The following SLC2A9 variants were observed in gnomAD, a reference collection of about 807,000 sequenced individuals.
The protein encoded by SLC2A9 is solute carrier family 2 member 9.
In SLC2A9, 39 loss-of-function variants were observed where a neutral mutation model predicts 50.6. The observed-to-expected ratio is 0.77, with a 90% CI of 0.60 to 1.01. The LOEUF (loss-of-function observed/expected upper bound fraction) is 1.01. Among genes scored for constraint, SLC2A9 ranks in the 50% least tolerant of loss-of-function variants. SLC2A9 has a pLI of 0.00. For missense variants in SLC2A9, 686 were observed against 677.6 expected (o/e 1.01, Z -0.14); for synonymous variants, 324 against 276.9 (o/e 1.17, Z -1.69).
intron 10 of SLC2A9, among the ~76,000 whole-genome samples, chr4:9,867,036 G>T (rs1732599329): frequency 6.6e-6 from 1 of 152,192 alleles, no homozygotes; most frequent in South Asian, 2.1e-4. Context: ...AGTCCTTCAA[G>T]AACTTTTTGT....
intron 10 of SLC2A9, among the ~76,000 whole-genome samples, chr4:9,839,870 A>C (rs1727753972): frequency 6.6e-6 from 1 of 152,110 alleles, no homozygotes; most frequent in African/African-American, 2.4e-5. Context: ...TTAATAACAA[A>C]TAGGTACTAG....
chr4:9,980,063 G>A (rs190338030), intron 5 of SLC2A9, among the ~76,000 whole-genome samples: 38 of 152,234 alleles, frequency 2.5e-4, no homozygotes, highest in East Asian at 5.8e-4. Context: ...AGGCCACACA[G>A]CAAGTAAATC....
chr4:9,839,958 A>G (rs1727778619), intron 10 of SLC2A9, among the ~76,000 whole-genome samples: 1 of 152,192 alleles, frequency 6.6e-6, no homozygotes, highest in African/African-American at 2.4e-5. Flanking sequence ...AAACCTGCAC[A>G]TGTACCCCGA....
In SLC2A9 at chr4:9,890,711, C is replaced by A. The variant is rs1283441090; in HGVS notation, c.1114G>T (p.Gly372Cys). 6.2e-7 allele frequency: 1 copy of A among 1,613,472 alleles called. No homozygotes were observed. Among genetic ancestry groups the A allele is most frequent in the Admixed American group, 1.7e-5 (1 of 59,990 alleles). The part of the protein sequence containing the change: ...GIETLAAVFS[G>C]LVIEHLGRRP... The stretch of plus-strand genomic sequence containing the variant: ...CGTCCCAGGTGCTCAATGACCAAAC[C>A]CTAGTCCAGGGTAAAAGAGAGAGAG... Residue 372 changes from glycine (G) to cysteine (C), a missense_variant and splice_region_variant, in exon 9 of 12, where the codon GGT (glycine) becomes TGT (cysteine). Transcript: ENST00000264784.
At chr4:9,972,520 C>A (rs974448790) in intron 5 of SLC2A9, among the ~76,000 whole-genome samples, 3 of 151,864 alleles carry the variant, frequency 2.0e-5, no homozygotes, top group Non-Finnish European at 4.4e-5. Flanking sequence ...ACTCTAAAAG[C>A]CACCTTCGTC....
chr4:9,937,118 T>C (rs1411550096), intron 6 of SLC2A9, among the ~76,000 whole-genome samples: 1 of 152,208 alleles, frequency 6.6e-6, no homozygotes, highest in African/African-American at 2.4e-5. Context: ...AGGCACAACA[T>C]AGAAAACATC....
At chr4:9,928,996 G>A (rs1163695621) in intron 6 of SLC2A9, among the ~76,000 whole-genome samples, 2 of 152,154 alleles carry the variant, frequency 1.3e-5, no homozygotes, top group South Asian at 2.1e-4. Context: ...CCTGATGGAC[G>A]GGATTACAGG....
At chr4:9,975,441 G>C (rs1243125964) in intron 5 of SLC2A9, among the ~76,000 whole-genome samples, 1 of 152,148 alleles carries the variant, frequency 6.6e-6, no homozygotes, top group Admixed American at 6.5e-5. Flanking sequence ...AATGGGAAAA[G>C]GACATGAACA....
intron 8 of SLC2A9, among the ~76,000 whole-genome samples, chr4:9,907,384 C>T (rs1381466244): frequency 6.6e-6 from 1 of 152,212 alleles, no homozygotes; most frequent in Non-Finnish European, 1.5e-5. Flanking sequence ...GAAATTTCTA[C>T]TAGGTTCTGA....
chr4:10,027,183 T>G (rs1360574096), intron 1 of SLC2A9, among the ~76,000 whole-genome samples: 2 of 152,206 alleles, frequency 1.3e-5, no homozygotes, highest in African/African-American at 2.4e-5. Flanking sequence ...GAAGGGGCAG[T>G]GGCTGCAGCA....
chr4:9,806,446 G>A (rs1412883747), intron 3 of SLC2A9, among the ~76,000 whole-genome samples: 2 of 152,210 alleles, frequency 1.3e-5, no homozygotes, highest in East Asian at 1.9e-4. Context: ...GCTTATCACT[G>A]GCTTGCTGTC....
At chr4:10,024,285 C>G (rs1389923973), upstream of SLC2A9, among the ~76,000 whole-genome samples, 1 of 152,178 alleles carries the variant, frequency 6.6e-6, no homozygotes, top group Non-Finnish European at 1.5e-5. Context: ...CTGATTGTGT[C>G]CCCTCAGATT....
chr4:9,827,092 C>A (rs1393876324), intron 11 of SLC2A9, among the ~76,000 whole-genome samples: 1 of 152,198 alleles, frequency 6.6e-6, no homozygotes, highest in East Asian at 1.9e-4. Context: ...CTAATTGATA[C>A]TCTGAGGCGG....
At chr4:9,911,412 C>T (rs930719958) in intron 7 of SLC2A9, among the ~76,000 whole-genome samples, 1 of 152,182 alleles carries the variant, frequency 6.6e-6, no homozygotes, top group African/African-American at 2.4e-5. Flanking sequence ...TCTGCTCACA[C>T]TGAAGCTTAT....
At chr4:9,817,586 G>A (rs1353574236) in intron 3 of SLC2A9, among the ~76,000 whole-genome samples, 2 of 152,192 alleles carry the variant, frequency 1.3e-5, no homozygotes, top group African/African-American at 4.8e-5. Context: ...TTGTATGAGT[G>A]TCCTCGTTAC....
chr4:9,960,114 A>G (rs1235459447), intron 5 of SLC2A9, among the ~76,000 whole-genome samples: 1 of 152,210 alleles, frequency 6.6e-6, no homozygotes, highest in East Asian at 1.9e-4. Context: ...ACAGGAGAGG[A>G]GCCTTATTGT....
At chr4:10,025,543 G>A (rs950245785), upstream of SLC2A9, among the ~76,000 whole-genome samples, 11 of 152,142 alleles carry the variant, frequency 7.2e-5, no homozygotes, top group African/African-American at 2.4e-4. Flanking sequence ...GGGGCAGGTC[G>A]ACTAAGCTTT....
At chr4:9,918,154 A>G (rs1352613551) in intron 7 of SLC2A9, among the ~76,000 whole-genome samples, 3 of 152,150 alleles carry the variant, frequency 2.0e-5, no homozygotes. Context: ...GCCTGGCAGT[A>G]TTTACGGATG....
At chr4:9,942,790 C>A (rs1011717555) in intron 5 of SLC2A9, among the ~76,000 whole-genome samples, 5 of 152,184 alleles carry the variant, frequency 3.3e-5, no homozygotes, top group Admixed American at 3.3e-4. Context: ...TTCTTCCTAC[C>A]CAAGTTTACA....
Sources: gnomAD v4.1 joint callset for allele counts (sites outside exome capture counted in the v4.1 genomes callset) on GRCh38, gnomAD v4.1.1 for gene constraint, MANE v1.5 for transcripts, NCBI Gene and HGNC (gene_info 2026-07-23, HGNC 2026-07-21) for gene names.